Variants in MAGI2 observed in about 807,000 individuals in gnomAD.
MAGI2 encodes the protein membrane-associated guanylate kinase, WW and PDZ domain-containing protein 2.
In MAGI2, 35 loss-of-function variants were observed where a neutral mutation model predicts 133.3. The observed-to-expected ratio is 0.26, with a 90% confidence interval of 0.20 to 0.35. The LOEUF (loss-of-function observed/expected upper bound fraction) is 0.35, where lower values mean the gene tolerates loss of function less well. Among genes scored for constraint, MAGI2 ranks in the 10% least tolerant of loss-of-function variants. The pLI is 1.00. For synonymous variants in MAGI2, 729 were observed against 710.6 expected (o/e 1.03, Z -0.41); for missense variants, 1,636 against 1,863.4 (o/e 0.88, Z 2.25).
At chr7:79,261,463 G>C (rs746040761) in intron 1 of MAGI2, among the ~76,000 whole-genome samples, 1 of 152,176 alleles carries the variant, frequency 6.6e-6, no homozygotes, top group African/African-American at 2.4e-5. Context: ...TAAGGTTAGT[G>C]GATGGGACGT....
At chr7:78,489,499 G>T (rs575278880) in intron 6 of MAGI2, among the ~76,000 whole-genome samples, 1 of 152,186 alleles carries the variant, frequency 6.6e-6, no homozygotes, top group Non-Finnish European at 1.5e-5. Context: ...GTAGGTGGTG[G>T]AAAGTCAGGC....
chr7:78,494,735 G>A (rs2150505260), intron 5 of MAGI2, among the ~76,000 whole-genome samples: 1 of 152,078 alleles, frequency 6.6e-6, no homozygotes, highest in South Asian at 2.1e-4. Context: ...AATTTTCTTA[G>A]TGAAATGAAA....
intron 6 of MAGI2, among the ~76,000 whole-genome samples, chr7:78,472,460 G>T (rs1474531417): frequency 6.6e-6 from 1 of 151,786 alleles, no homozygotes; most frequent in Non-Finnish European, 1.5e-5. Flanking sequence ...TTTCCCCAAG[G>T]CAGTAAAGGA....
At chr7:78,932,897 G>A (rs1036311637) in intron 2 of MAGI2, among the ~76,000 whole-genome samples, 1 of 152,090 alleles carries the variant, frequency 6.6e-6, no homozygotes, top group African/African-American at 2.4e-5. Flanking sequence ...TCCAAATGAT[G>A]AGACTGTCCT....
At chr7:78,283,128 A>T (rs1390470538) in intron 9 of MAGI2, among the ~76,000 whole-genome samples, 1 of 152,038 alleles carries the variant, frequency 6.6e-6, no homozygotes, top group African/African-American at 2.4e-5. Context: ...AAGTGCTGGG[A>T]TTATGGATTT....
At chr7:78,503,191 A>G (rs992967361) in intron 4 of MAGI2, among the ~76,000 whole-genome samples, 3 of 152,176 alleles carry the variant, frequency 2.0e-5, no homozygotes, top group Admixed American at 6.5e-5. Flanking sequence ...CAAGATATTC[A>G]TCTATCTGGG....
At chr7:78,106,538 A>G (rs1233739518) in intron 20 of MAGI2, among the ~76,000 whole-genome samples, 1 of 152,084 alleles carries the variant, frequency 6.6e-6, no homozygotes, top group Non-Finnish European at 1.5e-5. Context: ...TATCTTTTGG[A>G]TAAAAGCCAT....
At chr7:78,553,672 A>C (rs966505827) in intron 3 of MAGI2, among the ~76,000 whole-genome samples, 2 of 152,198 alleles carry the variant, frequency 1.3e-5, no homozygotes, top group African/African-American at 4.8e-5. Context: ...TACATCCATT[A>C]ATATGCTCAA....
In MAGI2 at chr7:78,569,045, G is replaced by A. The variant is rs141836204; in HGVS notation, c.539-47400C>T. The stretch of plus-strand genomic sequence containing the variant: ...TTCACTTTCTTCAGGATTCTGCTCA[G>A]ATATCTTGTTATCAGAGAGGTCTTC... On this transcript the variant is annotated intron_variant, in intron 3 of 21. Transcript: ENST00000354212. Among the ~76,000 whole-genome samples, 626 of 151,954 alleles carry A rather than the reference G, an allele frequency of 4.1e-3. 3 individuals carry two copies. The highest frequency in any genetic ancestry group is 0.014 in the African/African-American group (599 of 41,406).
At chr7:78,763,995 G>T (rs1349898497) in intron 2 of MAGI2, among the ~76,000 whole-genome samples, 1 of 152,178 alleles carries the variant, frequency 6.6e-6, no homozygotes, top group Non-Finnish European at 1.5e-5. Flanking sequence ...GAAACAGGAG[G>T]TTTAGTACTA....
At chr7:78,662,516 TCTTA>T (rs1470493665) in intron 2 of MAGI2, among the ~76,000 whole-genome samples, 2 of 152,344 alleles carry the variant, frequency 1.3e-5, no homozygotes, top group South Asian at 2.1e-4. Context: ...CACTTATGAA[TCTTA>T]CTTTTACTGA....
intron 1 of MAGI2, among the ~76,000 whole-genome samples, chr7:79,432,203 T>G (rs954887900): frequency 3.9e-5 from 6 of 152,174 alleles, no homozygotes; most frequent in African/African-American, 9.7e-5. Flanking sequence ...TGAAAAGAGA[T>G]TCTATGAAAA....
intron 16 of MAGI2, 70 bp from the exon 17 acceptor site, chr7:78,135,276 A>C: frequency 1.7e-6 from 2 of 1,205,786 alleles, no homozygotes; most frequent in Non-Finnish European, 2.4e-6. Context: ...CCCAGCCCCA[A>C]AGGAAACAAT....
chr7:79,380,998 G>A (rs1393046317), intron 1 of MAGI2, among the ~76,000 whole-genome samples: 2 of 151,732 alleles, frequency 1.3e-5, no homozygotes, highest in African/African-American at 4.8e-5. Context: ...ACTTTAGACT[G>A]TGCCACTGAA....
chr7:78,241,567 T>A (rs1431692629), intron 10 of MAGI2, among the ~76,000 whole-genome samples: 2 of 152,324 alleles, frequency 1.3e-5, no homozygotes, highest in Middle Eastern at 3.4e-3. Context: ...TTGTGAATTT[T>A]AATACATATA....
At chr7:78,938,832 T>G (rs1376794875) in intron 2 of MAGI2, among the ~76,000 whole-genome samples, 1 of 152,204 alleles carries the variant, frequency 6.6e-6, no homozygotes, top group Non-Finnish European at 1.5e-5. Context: ...TTATTGAGTT[T>G]ACACTTCAGT....
intron 1 of MAGI2, among the ~76,000 whole-genome samples, chr7:79,098,385 T>C (rs985465978): frequency 6.6e-6 from 1 of 152,206 alleles, no homozygotes; most frequent in African/African-American, 2.4e-5. Context: ...GTCGATCTCA[T>C]AGTCCTAACT....
chr7:78,377,398 G>T, intron 6 of MAGI2, among the ~76,000 whole-genome samples: 1 of 151,862 alleles, frequency 6.6e-6, no homozygotes, highest in Non-Finnish European at 1.5e-5. Context: ...TTCCCATCCC[G>T]AGTGAAGAAA....
At chr7:78,874,068 C>A (rs891048552) in intron 2 of MAGI2, among the ~76,000 whole-genome samples, 1 of 151,920 alleles carries the variant, frequency 6.6e-6, no homozygotes, top group African/African-American at 2.4e-5. Context: ...ATGAGAATAA[C>A]CATATATGAA....
Sources: allele counts gnomAD v4.1 joint callset (sites outside exome capture counted in the v4.1 genomes callset), GRCh38; gene constraint gnomAD v4.1.1; transcripts MANE v1.5; gene names NCBI Gene and HGNC (gene_info 2026-07-23, HGNC 2026-07-21).